FAM193B: variants seen among roughly 807,000 people sequenced by gnomAD.
The protein encoded by FAM193B is protein FAM193B.
A neutral mutation model predicts 70.7 loss-of-function variants in FAM193B; 27 were observed. The ratio of observed to expected loss-of-function variants is 0.38; its 90% CI spans 0.28 to 0.53. The LOEUF (loss-of-function observed/expected upper bound fraction) is 0.53. FAM193B is among the 20% of genes least tolerant of loss of function. The probability of loss-of-function intolerance (pLI) is 0.81; values close to 1 mark genes in which losing one functional copy is unlikely to be tolerated. For missense variants in FAM193B, 1,022 were observed against 1,072.5 expected (o/e 0.95, Z 0.66); for synonymous variants, 448 against 436.0 (o/e 1.03, Z -0.34).
chr5:177,550,296 C>T (rs182308007), intron 1 of FAM193B, among the ~76,000 whole-genome samples: 2 of 152,232 alleles, frequency 1.3e-5, no homozygotes, highest in East Asian at 3.9e-4. Context: ...CTCCTACTGA[C>T]AATGGAAGTA....
Position 177,537,969 on chromosome 5 carries a change from A to G in FAM193B, c.592T>C (p.Phe198Leu), listed in dbSNP as rs376965484. 6.4e-7 allele frequency: 1 copy of G among 1,564,692 alleles called. No homozygotes were observed. The highest frequency in any genetic ancestry group is 8.7e-7 in the Non-Finnish European group (1 of 1,154,364). ...CCCGAGAGCTTATGTGCCGACAGGA[A>G]CGAGCTAGGATCCCAGTCTCCCGAG... ...GNSGDWDPSSFLSAHKLSGLW... is the reference protein window; with the variant it reads ...GNSGDWDPSSLLSAHKLSGLW... The change falls in exon 3 of 9, where the codon TTC (phenylalanine) becomes CTC (leucine). Residue 198 changes from phenylalanine to leucine, a missense_variant. Physicochemically the swap from Phe to Leu is conservative, Grantham distance 22. Transcript: ENST00000514747.
At chr5:177,553,841 G>A (rs760025602) in intron 1 of FAM193B, 11 of 1,280,490 alleles carry the variant, frequency 8.6e-6, no homozygotes, top group African/African-American at 3.0e-5. Context: ...GGGGGCAGAG[G>A]GAAGAGGCTG....
In FAM193B at chr5:177,536,555, G is replaced by A; in HGVS notation, c.879C>T (p.Cys293=). ...AAPFPAQASE[C]PVAAATAPHT... ...GGGGGGCAGTGGCAGCAGCAACAGG[G>A]CACTCTGAAGCCTGGGCAGGGAAAG... Residue 293 remains cysteine (C), a synonymous_variant, in exon 4 of 9, where the codon TGC becomes TGT. Coordinates refer to ENST00000514747, the MANE Select transcript of FAM193B (RefSeq NM_001190946.3). 2 of 1,538,154 alleles carry A rather than the reference G, an allele frequency of 1.3e-6. No individual in the cohort carries two copies. The highest frequency in any genetic ancestry group is 2.4e-5 in the East Asian group (1 of 41,640).
intron 5 of FAM193B, among the ~76,000 whole-genome samples, chr5:177,527,150 G>T (rs1762735161): frequency 1.3e-5 from 2 of 152,208 alleles, no homozygotes; most frequent in South Asian, 4.1e-4. Flanking sequence ...CTAGAGAGAA[G>T]GAATAGCAAG....
chr5:177,554,214 G>A (rs901491721), intron 1 of FAM193B, 35 bp downstream of exon 1: 18 of 1,488,230 alleles, frequency 1.2e-5, no homozygotes, highest in Non-Finnish European at 1.6e-5. Context: ...AGGTGAAAGC[G>A]CCCGAGCCGC....
At chr5:177,531,664 C>G (rs1763485516) in intron 5 of FAM193B, 1 of 778,498 alleles carries the variant, frequency 1.3e-6, no homozygotes, top group Non-Finnish European at 1.8e-6. Flanking sequence ...TGGCTTCACC[C>G]TCTCAGCCAG....
chr5:177,528,117 A>G (rs1243718241), intron 5 of FAM193B, among the ~76,000 whole-genome samples: 2 of 152,216 alleles, frequency 1.3e-5, no homozygotes, highest in Non-Finnish European at 2.9e-5. Flanking sequence ...TCTGGAGAAC[A>G]TGGCACTCCC....
chr5:177,529,186 C>T (rs1213860537), intron 5 of FAM193B, among the ~76,000 whole-genome samples: 1 of 151,496 alleles, frequency 6.6e-6, no homozygotes, highest in Non-Finnish European at 1.5e-5. Context: ...TGTCTCTCTG[C>T]TCCCTTCTCC....
chr5:177,541,504 C>T (rs184426282), intron 1 of FAM193B, among the ~76,000 whole-genome samples: 17 of 152,156 alleles, frequency 1.1e-4, no homozygotes, highest in South Asian at 2.1e-4. Context: ...CTGCAAGCTC[C>T]GCCTCCCAGG....
intron 1 of FAM193B, among the ~76,000 whole-genome samples, chr5:177,549,666 G>C (rs142687740): frequency 6.6e-6 from 1 of 152,360 alleles, no homozygotes; most frequent in Non-Finnish European, 1.5e-5. Context: ...CCCCTTGTGG[G>C]AAGGGACTAT....
intron 5 of FAM193B, among the ~76,000 whole-genome samples, chr5:177,525,807 G>T (rs974584389): frequency 2.6e-5 from 4 of 152,286 alleles, no homozygotes; most frequent in Admixed American, 2.0e-4. Context: ...CAAGATGTGA[G>T]AGCTGCTCCT....
At chr5:177,546,878 G>A (rs1244545178) in intron 1 of FAM193B, among the ~76,000 whole-genome samples, 1 of 152,170 alleles carries the variant, frequency 6.6e-6, no homozygotes, top group Non-Finnish European at 1.5e-5. Flanking sequence ...ACTGCCTCCT[G>A]GGTGCAATGA....
At chr5:177,553,451 C>G in intron 1 of FAM193B, 1 of 1,102,400 alleles carries the variant, frequency 9.1e-7, no homozygotes, top group Non-Finnish European at 1.1e-6. Context: ...CCAGAGCAAC[C>G]GTGGCCCATG....
At chr5:177,550,826 A>G (rs967521139) in intron 1 of FAM193B, among the ~76,000 whole-genome samples, 2 of 152,106 alleles carry the variant, frequency 1.3e-5, no homozygotes, top group African/African-American at 2.4e-5. Flanking sequence ...TCTCTTGTGA[A>G]GTATTATTAT....
chr5:177,553,528 G>A lies in FAM193B; in HGVS notation c.210+721C>T. On this transcript the variant is annotated intron_variant, in intron 1 of 8. Coordinates refer to ENST00000514747, the MANE Select transcript of FAM193B (RefSeq NM_001190946.3). Reference sequence around the variant, plus strand: ...TTATCTCCTTTGCTCAAAAGAAAGTGACCTTCTTCCAGGTGGCAAGCTGGA... The same window carrying A: ...TTATCTCCTTTGCTCAAAAGAAAGTAACCTTCTTCCAGGTGGCAAGCTGGA... 2.6e-6 allele frequency: 3 copies of A among 1,144,034 alleles called. 1 individual carries two copies. In the South Asian group the frequency reaches 5.4e-5, roughly 20 times the overall value. The allele number at this position is 1,144,034 out of a possible 1,614,324, so 70.9% of individuals were successfully genotyped here.
chr5:177,544,720 G>A (rs1765212361), intron 1 of FAM193B, among the ~76,000 whole-genome samples: 1 of 152,220 alleles, frequency 6.6e-6, no homozygotes, highest in Non-Finnish European at 1.5e-5. Context: ...TTTGGAAGAT[G>A]TGCAAAATCC....
intron 1 of FAM193B, among the ~76,000 whole-genome samples, chr5:177,542,228 G>A (rs1764940874): frequency 6.6e-6 from 1 of 152,240 alleles, no homozygotes; most frequent in Non-Finnish European, 1.5e-5. Flanking sequence ...AGGCACTGGG[G>A]CGCAGTGGAA....
chr5:177,532,276 C>G lies in FAM193B; in HGVS notation c.1275+167G>C. The G allele has an allele frequency of 6.7e-7, 1 of 1,489,160 alleles. No homozygotes were observed. The highest frequency in any genetic ancestry group is 8.9e-7 in the Non-Finnish European group (1 of 1,124,394). The allele number at this position is 1,489,160 out of a possible 1,614,324, so 92.2% of individuals were successfully genotyped here. On this transcript the variant is annotated intron_variant, in intron 5 of 8. Transcript: ENST00000514747. The surrounding 1 kb of genome is among the most constrained non-coding windows in gnomAD (Gnocchi z 4.9). Reference sequence around the variant, plus strand: ...GCAAAATGTTTAAAAACCCCTACCTCACAAATGTGCTGTGAGGATCAAGCG... The same window carrying G: ...GCAAAATGTTTAAAAACCCCTACCTGACAAATGTGCTGTGAGGATCAAGCG...
intron 1 of FAM193B, among the ~76,000 whole-genome samples, chr5:177,542,179 A>T: frequency 6.6e-6 from 1 of 152,278 alleles, no homozygotes; most frequent in African/African-American, 2.4e-5. Flanking sequence ...TTAAGTGTGT[A>T]ATCAGTGTGA....
Sources: allele counts gnomAD v4.1 joint callset (sites outside exome capture counted in the v4.1 genomes callset), GRCh38; gene constraint gnomAD v4.1.1; non-coding constraint Gnocchi (gnomAD v3.1); transcripts MANE v1.5; gene names NCBI Gene and HGNC (gene_info 2026-07-23, HGNC 2026-07-21).